PIP5K1B: variants seen among roughly 807,000 people sequenced by gnomAD.
The protein encoded by PIP5K1B is phosphatidylinositol-4-phosphate 5-kinase type 1 beta.
PIP5K1B carries 42 observed loss-of-function variants against 67.0 expected under a neutral mutation model. That is an observed-to-expected ratio of 0.63 (90% confidence interval 0.49 to 0.81). The LOEUF (loss-of-function observed/expected upper bound fraction) is 0.81, where lower values mean the gene tolerates loss of function less well. Among genes scored for constraint, PIP5K1B ranks in the 30% least tolerant of loss-of-function variants. PIP5K1B has a pLI of 0.00. For synonymous variants in PIP5K1B, 214 were observed against 231.4 expected (o/e 0.92, Z 0.68); for missense variants, 459 against 646.3 (o/e 0.71, Z 3.14).
At chr9:68,834,493 G>A (rs1834492617) in intron 4 of PIP5K1B, among the ~76,000 whole-genome samples, 1 of 152,188 alleles carries the variant, frequency 6.6e-6, no homozygotes, top group Non-Finnish European at 1.5e-5. Flanking sequence ...CACTGTGAGT[G>A]GCTGGGGAGC....
chr9:68,991,914 G>A (rs1017380951), intron 15 of PIP5K1B, among the ~76,000 whole-genome samples: 13 of 152,120 alleles, frequency 8.5e-5, no homozygotes, highest in Middle Eastern at 3.2e-3. Context: ...AGTATTTTCT[G>A]TGCCAAGTGC....
At chr9:68,763,935 C>A (rs1041949262) in intron 2 of PIP5K1B, among the ~76,000 whole-genome samples, 2 of 152,064 alleles carry the variant, frequency 1.3e-5, no homozygotes, top group African/African-American at 2.4e-5. Flanking sequence ...TAGCCTTGCT[C>A]ACTTACTACA....
intron 14 of PIP5K1B, chr9:68,941,120 A>G (rs751437023): frequency 2.7e-5 from 13 of 477,666 alleles, no homozygotes; most frequent in Non-Finnish European, 5.0e-5. Context: ...AGTTAATATT[A>G]CACAGGTAGC....
intron 2 of PIP5K1B, among the ~76,000 whole-genome samples, chr9:68,816,377 C>T (rs531117242): frequency 6.6e-6 from 1 of 152,266 alleles, no homozygotes; most frequent in East Asian, 1.9e-4. Flanking sequence ...GATCCGCCCA[C>T]CTCCGGCTCC....
At chr9:68,739,672 C>T (rs371283529) in intron 1 of PIP5K1B, among the ~76,000 whole-genome samples, 1 of 152,184 alleles carries the variant, frequency 6.6e-6, no homozygotes. Flanking sequence ...GCTTCTCCTC[C>T]AGCTCCTTCC....
At chr9:68,781,329 GCT>G (rs892060492) in intron 2 of PIP5K1B, 51 of 259,452 alleles carry the variant, frequency 2.0e-4, no homozygotes, top group African/African-American at 1.0e-3. Context: ...ATAACTGAGA[GCT>G]CTATTTATTT....
At chr9:68,930,253 C>A (rs1244583059) in intron 12 of PIP5K1B, among the ~76,000 whole-genome samples, 1 of 152,136 alleles carries the variant, frequency 6.6e-6, no homozygotes, top group African/African-American at 2.4e-5. Context: ...GCAACTTACT[C>A]CCCACACTTC....
At chr9:68,848,477 C>A (rs548765408) in intron 4 of PIP5K1B, among the ~76,000 whole-genome samples, 1 of 152,308 alleles carries the variant, frequency 6.6e-6, no homozygotes, top group South Asian at 2.1e-4. Context: ...AAGAGTCCAG[C>A]ATCCCAGTGA....
chr9:68,886,104 G>A (rs1019669992), intron 6 of PIP5K1B, among the ~76,000 whole-genome samples: 6 of 152,040 alleles, frequency 3.9e-5, no homozygotes, highest in Admixed American at 6.6e-5. Context: ...GTGTGAACCC[G>A]GGAGGCGGAG....
At chr9:68,952,798 T>TCTGCCTGTCTGCCTGCCTGC (rs1564264830) in intron 14 of PIP5K1B, among the ~76,000 whole-genome samples, 5 of 151,174 alleles carry the variant, frequency 3.3e-5, no homozygotes, top group African/African-American at 4.9e-5. Context: ...TGCCTGCCTG[T>TCTGCCTGTCTGCCTGCCTGC]CTGCCTGTCT....
At chr9:68,929,095 A>G (rs1441117599) in intron 12 of PIP5K1B, among the ~76,000 whole-genome samples, 10 of 149,596 alleles carry the variant, frequency 6.7e-5, no homozygotes, top group Non-Finnish European at 1.3e-4. Flanking sequence ...CCTGGGAGGC[A>G]GAGGTTGCAG....
chr9:68,781,991 A>G (rs1445579293), intron 2 of PIP5K1B: 1 of 167,102 alleles, frequency 6.0e-6, no homozygotes, highest in Non-Finnish European at 1.5e-5. Context: ...CCTCAGTTCC[A>G]GAAATTATTG....
At chr9:68,726,985 T>G (rs1385442882) in intron 1 of PIP5K1B, among the ~76,000 whole-genome samples, 1 of 139,824 alleles carries the variant, frequency 7.2e-6, no homozygotes, top group East Asian at 1.9e-4. Context: ...AAGTTGTTGT[T>G]TTTTTTTTTA....
At chr9:68,824,771 C>T (rs1405265751) in intron 4 of PIP5K1B, among the ~76,000 whole-genome samples, 4 of 152,230 alleles carry the variant, frequency 2.6e-5, no homozygotes, top group East Asian at 1.9e-4. Context: ...CTGAATTATT[C>T]GGTTTAGTTC....
chr9:69,001,203 A>G (rs1830811678), intron 15 of PIP5K1B, among the ~76,000 whole-genome samples: 1 of 151,950 alleles, frequency 6.6e-6, no homozygotes, highest in Non-Finnish European at 1.5e-5. Context: ...CACCACACCC[A>G]GCCTGGGTGT....
chr9:68,781,084 G>A, intron 2 of PIP5K1B: 3 of 1,540,792 alleles, frequency 1.9e-6, no homozygotes, highest in Non-Finnish European at 2.6e-6. Context: ...ATCTAGTTGG[G>A]GCAAACACTG....
intron 1 of PIP5K1B, among the ~76,000 whole-genome samples, chr9:68,719,137 A>G (rs1827766215): frequency 6.6e-6 from 1 of 152,140 alleles, no homozygotes; most frequent in African/African-American, 2.4e-5. Flanking sequence ...GTTCAGATAA[A>G]GTGATACCTT....
chr9:68,956,380 G>T (rs1458421289), intron 14 of PIP5K1B, among the ~76,000 whole-genome samples: 1 of 152,208 alleles, frequency 6.6e-6, no homozygotes, highest in Non-Finnish European at 1.5e-5. Flanking sequence ...TGAGGCAGGA[G>T]AATCACTTGA....
Position 68,810,374 on chromosome 9 carries a change from C to T in PIP5K1B, c.-85-8087C>T, listed in dbSNP as rs750256363. On this transcript the variant is annotated intron_variant, in intron 2 of 15. Transcript: ENST00000265382. ...ATAATCGAAGAGAAGTGGACAGCAGCAGAGATGGACATGAAACCCAGGCCT... is the reference window on the plus strand; with the variant it reads ...ATAATCGAAGAGAAGTGGACAGCAGTAGAGATGGACATGAAACCCAGGCCT... Among the ~76,000 whole-genome samples, 98 of 152,268 alleles carry T rather than the reference C, an allele frequency of 6.4e-4. 1 individual carries two copies. Among genetic ancestry groups the T allele is most frequent in the Admixed American group, 1.6e-3 (25 of 15,304 alleles).
Sources: gnomAD v4.1 joint callset for allele counts (sites outside exome capture counted in the v4.1 genomes callset) on GRCh38, gnomAD v4.1.1 for gene constraint, MANE v1.5 for transcripts, NCBI Gene and HGNC (gene_info 2026-07-23, HGNC 2026-07-21) for gene names.